Variants in ALK observed in about 807,000 individuals in gnomAD.
The protein encoded by ALK is ALK tyrosine kinase receptor.
In ALK, 74 loss-of-function variants were observed where a neutral mutation model predicts 163.1. The observed-to-expected ratio is 0.45, with a 90% CI of 0.38 to 0.55. The LOEUF (loss-of-function observed/expected upper bound fraction) is 0.55, where lower values mean the gene tolerates loss of function less well. ALK is among the 20% of genes least tolerant of loss of function. The probability of loss-of-function intolerance (pLI) is 0.00; values close to 1 mark genes in which losing one functional copy is unlikely to be tolerated. For synonymous variants in ALK, 960 were observed against 843.2 expected, an observed-to-expected ratio of 1.14 and a Z score of -2.40; for missense variants, 2,063 against 2,105.3, an observed-to-expected ratio of 0.98 and a Z score of 0.39.
chr2:29,818,840 T>A (rs923226253), intron 1 of ALK, among the ~76,000 whole-genome samples: 7 of 152,226 alleles, frequency 4.6e-5, no homozygotes, highest in Non-Finnish European at 8.8e-5. Flanking sequence ...TAGCTGCATG[T>A]GAGAATCACC....
intron 6 of ALK, among the ~76,000 whole-genome samples, chr2:29,322,780 G>T (rs1667105846): frequency 6.6e-6 from 1 of 152,236 alleles, no homozygotes; most frequent in South Asian, 2.1e-4. Flanking sequence ...GTTGCAGTGA[G>T]CCAAGATTGT....
intron 1 of ALK, among the ~76,000 whole-genome samples, chr2:29,771,700 A>G (rs925775726): frequency 1.3e-5 from 2 of 151,960 alleles, no homozygotes; most frequent in Admixed American, 6.5e-5. Flanking sequence ...ATGCCCCGCT[A>G]ATTTTTTGTA....
intron 1 of ALK, among the ~76,000 whole-genome samples, chr2:29,816,806 C>G (rs1664910288): frequency 6.6e-6 from 1 of 152,128 alleles, no homozygotes; most frequent in Non-Finnish European, 1.5e-5. Context: ...CTCCTCCCAG[C>G]CTGACGGGAT....
intron 3 of ALK, among the ~76,000 whole-genome samples, chr2:29,595,447 A>G (rs1675185442): frequency 6.6e-6 from 1 of 151,458 alleles, no homozygotes; most frequent in Admixed American, 6.6e-5. Context: ...CAGCCTCCCG[A>G]GTAACTGGGA....
intron 1 of ALK, among the ~76,000 whole-genome samples, chr2:29,770,666 T>C (rs1680994412): frequency 6.6e-6 from 1 of 152,166 alleles, no homozygotes; most frequent in Admixed American, 6.5e-5. Context: ...AAAAAAATTA[T>C]GATAGCAAAA....
intron 1 of ALK, among the ~76,000 whole-genome samples, chr2:29,760,328 G>A (rs1680665375): frequency 6.6e-6 from 1 of 152,200 alleles, no homozygotes; most frequent in South Asian, 2.1e-4. Context: ...CTCCAGGCAA[G>A]CTATTTAACC....
intron 1 of ALK, among the ~76,000 whole-genome samples, chr2:29,802,244 G>A (rs1431033314): frequency 1.3e-5 from 2 of 149,822 alleles, no homozygotes; most frequent in Admixed American, 1.3e-4. Flanking sequence ...ATTGCACTGG[G>A]CAACTTCCAT....
At chr2:29,740,880 T>C (rs945907382) in intron 1 of ALK, among the ~76,000 whole-genome samples, 1 of 152,076 alleles carries the variant, frequency 6.6e-6, no homozygotes, top group Non-Finnish European at 1.5e-5. Context: ...TGGATGCCTG[T>C]AATCTCAGCT....
chr2:29,867,720 T>C (rs573772495), intron 1 of ALK, among the ~76,000 whole-genome samples: 1 of 152,316 alleles, frequency 6.6e-6, no homozygotes, highest in African/African-American at 2.4e-5. Context: ...TGAGCACCCT[T>C]GTTCCAGCAG....
At chr2:29,546,681 C>G (rs994138825) in intron 3 of ALK, among the ~76,000 whole-genome samples, 1 of 152,124 alleles carries the variant, frequency 6.6e-6, no homozygotes, top group African/African-American at 2.4e-5. Flanking sequence ...GCTTTAAGTC[C>G]CAGATGTCAA....
At chr2:29,410,731 G>A (rs1048160807) in intron 4 of ALK, among the ~76,000 whole-genome samples, 1 of 152,266 alleles carries the variant, frequency 6.6e-6, no homozygotes, top group East Asian at 1.9e-4. Flanking sequence ...GATTTAAAAT[G>A]GTACACCTAT....
chr2:29,721,741 C>T (rs547595146), intron 1 of ALK, among the ~76,000 whole-genome samples: 5 of 152,322 alleles, frequency 3.3e-5, no homozygotes, highest in Admixed American at 2.6e-4. Flanking sequence ...CCTGCATCAA[C>T]AATTTTCCCT....
At chr2:29,649,751 G>C (rs931489314) in intron 3 of ALK, among the ~76,000 whole-genome samples, 5 of 151,982 alleles carry the variant, frequency 3.3e-5, no homozygotes, top group African/African-American at 1.2e-4. Flanking sequence ...CCTCTGCCTG[G>C]CTTGTGGACT....
chr2:29,716,103 T>C (rs1160164611), intron 2 of ALK, among the ~76,000 whole-genome samples: 2 of 152,224 alleles, frequency 1.3e-5, no homozygotes, highest in Non-Finnish European at 2.9e-5. Context: ...AGGTGCATTT[T>C]AAATAGCTTA....
At chr2:29,350,753 G>A (rs778509346) in intron 5 of ALK, among the ~76,000 whole-genome samples, 26 of 152,168 alleles carry the variant, frequency 1.7e-4, no homozygotes, top group Non-Finnish European at 2.2e-4. Flanking sequence ...CCTGTGAGTA[G>A]GTATTATCAT....
chr2:29,774,710 C>T (rs1319623782), intron 1 of ALK, among the ~76,000 whole-genome samples: 1 of 152,150 alleles, frequency 6.6e-6, no homozygotes, highest in Non-Finnish European at 1.5e-5. Context: ...TGCCATGCGC[C>T]TGAGAAATTC....
At chr2:29,907,907 CA>C (rs1345645312) in intron 1 of ALK, among the ~76,000 whole-genome samples, 1 of 152,150 alleles carries the variant, frequency 6.6e-6, no homozygotes, top group African/African-American at 2.4e-5. Context: ...TCTTCTTTAT[CA>C]GTAAACCATA....
intron 9 of ALK, among the ~76,000 whole-genome samples, chr2:29,279,909 C>A (rs925922322): frequency 1.3e-5 from 2 of 151,560 alleles, no homozygotes; most frequent in African/African-American, 2.4e-5. Context: ...GGTGGACCAC[C>A]ATGGGACTGA....
chr2:29,615,844 G>C (rs1558409408), intron 3 of ALK, among the ~76,000 whole-genome samples: 1 of 152,238 alleles, frequency 6.6e-6, no homozygotes, highest in Non-Finnish European at 1.5e-5. Context: ...TGCTTGAGCT[G>C]CAAGGAATAC....
Sources: gnomAD v4.1 joint callset for allele counts (sites outside exome capture counted in the v4.1 genomes callset) on GRCh38, gnomAD v4.1.1 for gene constraint, MANE v1.5 for transcripts, NCBI Gene and HGNC (gene_info 2026-07-23, HGNC 2026-07-21) for gene names.